TAS2R16: variants seen among roughly 807,000 people sequenced by gnomAD.
The protein encoded by TAS2R16 is taste receptor type 2 member 16.
Under a neutral mutation model 5.0 loss-of-function variants are expected in TAS2R16, and 5 were observed. The observed-to-expected ratio is 1.00, with a 90% CI of 0.52 to 2.11. TAS2R16 has a LOEUF of 2.11. TAS2R16 is among the 30% of genes most tolerant of loss of function. The probability of loss-of-function intolerance (pLI) is 0.01; values close to 1 mark genes in which losing one functional copy is unlikely to be tolerated. For missense variants in TAS2R16, 363 were observed against 341.3 expected (o/e 1.06, Z -0.50); for synonymous variants, 142 against 123.3 (o/e 1.15, Z -1.00).
chr7:122,994,709 T>G lies in TAS2R16; in HGVS notation c.*50A>C. 6.6e-7 allele frequency: 1 copy of G among 1,508,696 alleles called. No individual in the cohort carries two copies. The highest frequency in any genetic ancestry group is 2.3e-5 in the East Asian group (1 of 43,990). The allele number at this position is 1,508,696 out of a possible 1,614,324, so 93.5% of individuals were successfully genotyped here. A position where few individuals can be genotyped will look rare whatever the true frequency, so the allele number is the denominator to read the frequency against. The stretch of plus-strand genomic sequence containing the variant: ...CAATACTCTCTTCTGGTATTAATTA[T>G]ATCAATTGCTCGGGAGTCTTTTATC... On this transcript the variant is annotated 3_prime_UTR_variant, in exon 1 of 1. Coordinates refer to ENST00000249284, the MANE Select transcript of TAS2R16 (RefSeq NM_016945.3).
chr7:122,994,714 A>G lies in TAS2R16; in HGVS notation c.*45T>C. ...CTCTCTTCTGGTATTAATTATATCA[A>G]TTGCTCGGGAGTCTTTTATCCTGTG... On this transcript the variant is annotated 3_prime_UTR_variant, in exon 1 of 1. Transcript: ENST00000249284. The G allele has an allele frequency of 5.3e-6, 8 of 1,513,178 alleles. No individual in the cohort carries two copies. Among genetic ancestry groups the G allele is most frequent in the Admixed American group, 2.3e-5 (1 of 43,550 alleles). 93.7% of individuals were successfully genotyped at this position (1,513,178 alleles called of 1,614,324 possible). A position where few individuals can be genotyped will look rare whatever the true frequency, so the allele number is the denominator to read the frequency against.
chr7:122,995,159 T>C lies in TAS2R16; in HGVS notation c.476A>G (p.His159Arg), dbSNP rs1563287373. 6.2e-7 allele frequency: 1 copy of C among 1,613,892 alleles called. No homozygotes were observed. Among genetic ancestry groups the C allele is most frequent in the Non-Finnish European group, 8.5e-7 (1 of 1,179,888 alleles). Residue 159 changes from histidine (H) to arginine (R), a missense_variant, in exon 1 of 1, where the codon CAT (histidine) becomes CGT (arginine). Physicochemically the swap from His to Arg is conservative, Grantham distance 29. Coordinates refer to ENST00000249284, the MANE Select transcript of TAS2R16 (RefSeq NM_016945.3). ...YIQIQLLTME[H>R]LPRNSTVTDK... ...AGTTACAGTGCTGTTTCTTGGTAGA[T>C]GCTCCATGGTGAGTAACTGAATTTG...
rs574740728 is a variant in TAS2R16 at position 122,994,835 on chromosome 7, G to C, written c.800C>G (p.Ala267Gly). The change falls in exon 1 of 1, where the codon GCT (alanine) becomes GGT (glycine). Residue 267 changes from alanine to glycine, a missense_variant. By Grantham distance (60) the Ala-to-Gly change is moderately conservative (BLOSUM62 0). Coordinates refer to ENST00000249284, the MANE Select transcript of TAS2R16 (RefSeq NM_016945.3). The stretch of plus-strand genomic sequence containing the variant: ...TGAAGTGGAATGCATTAAGATGAAA[G>C]CATAGACAAAAGCTTCCCAGACCCA... The part of the protein sequence containing the change: ...WLWVWEAFVY[A>G]FILMHSTSLM... The C allele has an allele frequency of 6.2e-7, 1 of 1,612,770 alleles. No individual in the cohort carries two copies. Among genetic ancestry groups the C allele is most frequent in the Non-Finnish European group, 8.5e-7 (1 of 1,179,412 alleles).
Position 122,995,358 on chromosome 7 carries a change from A to C in TAS2R16, c.277T>G (p.Phe93Val). 1 of 1,613,680 alleles carries C rather than the reference A, an allele frequency of 6.2e-7. No homozygotes were observed. The highest frequency in any genetic ancestry group is 1.7e-4 in the Middle Eastern group (1 of 6,056). Residue 93 changes from phenylalanine to valine, a missense_variant, in exon 1 of 1, where the codon TTC becomes GTC. Physicochemically the swap from Phe to Val is conservative, Grantham distance 50 (BLOSUM62 -1). Transcript: ENST00000249284. Reference sequence around the variant, plus strand: ...ACGGTAAGCAAGCTGTTTAACCAGAATGTAAGGATATTAAAAAATTCCCAG... The same window carrying C: ...ACGGTAAGCAAGCTGTTTAACCAGACTGTAAGGATATTAAAAAATTCCCAG... The part of the protein sequence containing the change: ...ITWEFFNILT[F>V]WLNSLLTVFY...
In TAS2R16 at chr7:122,995,317, C is replaced by G. The variant is rs1825955588; in HGVS notation, c.318G>C (p.Lys106Asn). 1.2e-6 allele frequency: 2 copies of G among 1,613,584 alleles called. No individual in the cohort carries two copies. Among genetic ancestry groups the G allele is most frequent in the African/African-American group, 1.3e-5 (1 of 74,966 alleles). ...AGATGTGATGGGTGAAAGAAGAGAC[C>G]TTGATGCAGTAGAACACGGTAAGCA... ...NSLLTVFYCI[K>N]VSSFTHHIFL... Residue 106 changes from lysine to asparagine, a missense_variant, in exon 1 of 1, where the codon AAG (lysine) becomes AAC (asparagine). Lys to Asn is a moderately conservative substitution (Grantham distance 94, BLOSUM62 0). Coordinates refer to ENST00000249284, the MANE Select transcript of TAS2R16 (RefSeq NM_016945.3).
Position 122,995,403 on chromosome 7 carries a change from G to T in TAS2R16, c.232C>A (p.Leu78Ile). 6.2e-7 allele frequency: 1 copy of T among 1,613,584 alleles called. No homozygotes were observed. The highest frequency in any genetic ancestry group is 8.5e-7 in the Non-Finnish European group (1 of 1,179,806). ...FCSYFNLNYV[L>I]CNLTITWEFF... ...TCCCAGGTGATTGTTAAGTTGCAAA[G>T]TACATAATTCAAATTAAAATAGGAG... is the stretch of plus-strand genomic sequence containing the variant. The change falls in exon 1 of 1, where the codon CTT (leucine) becomes ATT (isoleucine). Residue 78 changes from leucine to isoleucine, a missense_variant. Transcript: ENST00000249284.
Position 122,995,391 on chromosome 7 carries a change from T to G in TAS2R16, c.244A>C (p.Thr82Pro). ...FNLNYVLCNL[T>P]ITWEFFNILT... is the part of the protein sequence containing the mutation. ...ATATTAAAAAATTCCCAGGTGATTG[T>G]TAAGTTGCAAAGTACATAATTCAAA... The change falls in exon 1 of 1, where the codon ACA becomes CCA. Residue 82 changes from threonine (T) to proline (P), a missense_variant. Transcript: ENST00000249284. 6.2e-7 allele frequency: 1 copy of G among 1,613,562 alleles called. No homozygotes were observed. Among genetic ancestry groups the G allele is most frequent in the Non-Finnish European group, 8.5e-7 (1 of 1,179,790 alleles).
chr7:122,994,954 C>A lies in TAS2R16; in HGVS notation c.681G>T (p.Arg227Ser). The A allele has an allele frequency of 6.2e-7, 1 of 1,613,634 alleles. No individual in the cohort carries two copies. The highest frequency in any genetic ancestry group is 1.7e-4 in the Middle Eastern group (1 of 6,052). The change falls in exon 1 of 1, where the codon AGG becomes AGT. Residue 227 changes from arginine to serine, a missense_variant. Arg to Ser is a moderately radical substitution (Grantham distance 110). Coordinates refer to ENST00000249284, the MANE Select transcript of TAS2R16 (RefSeq NM_016945.3). ...ACACAATAAATAAGACGGCAAGGGA[C>A]CTCAGGGCAGTGAAGCGCGCTTTCA... The part of the protein sequence containing the change: ...PSMKARFTAL[R>S]SLAVLFIVFT...
rs370231316 is a variant in TAS2R16, at chr7:122,994,717, G to T, written c.*42C>A. Reference sequence around the variant, plus strand: ...TCTTCTGGTATTAATTATATCAATTGCTCGGGAGTCTTTTATCCTGTGCCT... The same window carrying T: ...TCTTCTGGTATTAATTATATCAATTTCTCGGGAGTCTTTTATCCTGTGCCT... On this transcript the variant is annotated 3_prime_UTR_variant, in exon 1 of 1. Coordinates refer to ENST00000249284, the MANE Select transcript of TAS2R16 (RefSeq NM_016945.3). The T allele has an allele frequency of 1.6e-5, 24 of 1,515,574 alleles. No individual in the cohort carries two copies. In the African/African-American group the frequency reaches 3.1e-4, roughly 19 times the overall value. 93.9% of individuals were successfully genotyped at this position (1,515,574 alleles called of 1,614,324 possible).
Position 122,995,431 on chromosome 7 carries a change from A to AAAATTG in TAS2R16, c.198_203dup (p.Asn67_Phe68dup). The AAAATTG allele has an allele frequency of 5.0e-6, 8 of 1,613,730 alleles. No homozygotes were observed. The highest frequency in any genetic ancestry group is 6.8e-6 in the Non-Finnish European group (8 of 1,179,834). ...CATAATTCAAATTAAAATAGGAGCA[A>AAAATTG]AAATTGTTCAGCATTGATGCCCACT... On this transcript the variant is annotated inframe_insertion, in exon 1 of 1. Transcript: ENST00000249284.
At position 122,994,966 on chromosome 7, in the gene TAS2R16, G is replaced by C; in HGVS notation, c.669C>G (p.Phe223Leu). The change falls in exon 1 of 1, where the codon TTC becomes TTG. Residue 223 changes from phenylalanine (F) to leucine (L), a missense_variant. Phe to Leu is a conservative substitution (Grantham distance 22, BLOSUM62 0). Transcript: ENST00000249284. ...GHCNPSMKAR[F>L]TALRSLAVLF... ...AGACGGCAAGGGACCTCAGGGCAGT[G>C]AAGCGCGCTTTCATGCTTGGATTGC... The C allele has an allele frequency of 6.2e-7, 1 of 1,613,852 alleles. No homozygotes were observed. The highest frequency in any genetic ancestry group is 8.5e-7 in the Non-Finnish European group (1 of 1,179,856).
At position 122,995,253 on chromosome 7, in the gene TAS2R16, A is replaced by G; in HGVS notation, c.382T>C (p.Trp128Arg). ...ATCATCAGAGAACCCAGTAATATCC[A>G]GGGAAACAACCTCAAAATTCTCCAC... ...LRWRILRLFPWILLGSLMITC... is the reference protein window; with the variant it reads ...LRWRILRLFPRILLGSLMITC... The change falls in exon 1 of 1, where the codon TGG becomes CGG. Residue 128 changes from tryptophan (W) to arginine (R), a missense_variant. Coordinates refer to ENST00000249284, the MANE Select transcript of TAS2R16 (RefSeq NM_016945.3). The G allele has an allele frequency of 3.7e-6, 6 of 1,613,806 alleles. No homozygotes were observed. Among genetic ancestry groups the G allele is most frequent in the Non-Finnish European group, 5.1e-6 (6 of 1,179,876 alleles).
chr7:122,995,398 G>T, the TAS2R16 span: 1 of 1,613,550 alleles, frequency 6.2e-7, no homozygotes, highest in Non-Finnish European at 8.5e-7. Context: ...TTGTTAAGTT[G>T]CAAAGTACAT....
rs1481833459 is a variant in TAS2R16 at position 122,995,553 on chromosome 7, T to C, written c.82A>G (p.Ile28Val). 1 of 1,611,976 alleles carries C rather than the reference T, an allele frequency of 6.2e-7. No individual in the cohort carries two copies. Among genetic ancestry groups the C allele is most frequent in the Non-Finnish European group, 8.5e-7 (1 of 1,179,168 alleles). ...SLTIIVQSSL[I>V]VAVLGREWLQ... is the part of the protein sequence containing the mutation. ...CATTCTCTGCCCAGCACTGCAACAA[T>C]TAGGCTGCTCTGCACAATAATTGTC... Residue 28 changes from isoleucine (I) to valine (V), a missense_variant, in exon 1 of 1, where the codon ATT becomes GTT. Physicochemically the swap from Ile to Val is conservative, Grantham distance 29. Coordinates refer to ENST00000249284, the MANE Select transcript of TAS2R16 (RefSeq NM_016945.3).
Position 122,995,130 on chromosome 7 carries a change from T to G in TAS2R16, c.505A>C (p.Lys169Gln). Residue 169 changes from lysine (K) to glutamine (Q), a missense_variant, in exon 1 of 1, where the codon AAA (lysine) becomes CAA (glutamine). By Grantham distance (53) the Lys-to-Gln change is moderately conservative (BLOSUM62 1). Transcript: ENST00000249284. ...TGATACTGATGAAAATTTTCAAGTT[T>G]GTCAGTTACAGTGCTGTTTCTTGGT... ...HLPRNSTVTD[K>Q]LENFHQYQFQ... 6.2e-7 allele frequency: 1 copy of G among 1,613,898 alleles called. No homozygotes were observed. The highest frequency in any genetic ancestry group is 8.5e-7 in the Non-Finnish European group (1 of 1,179,886).
chr7:122,994,892 A>G lies in TAS2R16; in HGVS notation c.743T>C (p.Ile248Thr), dbSNP rs760959029. 15 of 1,613,572 alleles carry G rather than the reference A, an allele frequency of 9.3e-6. No individual in the cohort carries two copies. Among genetic ancestry groups the G allele is most frequent in the African/African-American group, 1.3e-5 (1 of 74,884 alleles). The change falls in exon 1 of 1, where the codon ATA becomes ACA. Residue 248 changes from isoleucine to threonine, a missense_variant. Ile to Thr is a moderately conservative substitution (Grantham distance 89). Transcript: ENST00000249284. ...ACATCTCTTATCAAATAGAGTACCTATAATGGTGATGAGTATGGTTAGAAA... is the reference window on the plus strand; with the variant it reads ...ACATCTCTTATCAAATAGAGTACCTGTAATGGTGATGAGTATGGTTAGAAA... ...SYFLTILITIIGTLFDKRCWL... is the reference protein window; with the variant it reads ...SYFLTILITITGTLFDKRCWL...
At position 122,995,239 on chromosome 7, in the gene TAS2R16, A is replaced by G. The variant is rs1825953805; in HGVS notation, c.396T>C (p.Gly132=). Residue 132 remains glycine, a synonymous_variant, in exon 1 of 1, where the codon GGT becomes GGC. Coordinates refer to ENST00000249284, the MANE Select transcript of TAS2R16 (RefSeq NM_016945.3). ...TTGTTACACAAGTAATCATCAGAGA[A>G]CCCAGTAATATCCAGGGAAACAACC... ...ILRLFPWILL[G]SLMITCVTII... 1.2e-6 allele frequency: 2 copies of G among 1,613,634 alleles called. No individual in the cohort carries two copies. The highest frequency in any genetic ancestry group is 1.7e-6 in the Non-Finnish European group (2 of 1,179,868).
the TAS2R16 span, chr7:122,995,495 ATG>A: frequency 1.2e-6 from 2 of 1,613,784 alleles, no homozygotes; most frequent in South Asian, 2.2e-5. Context: ...GATGAGAATC[ATG>A]TCCACAGGCA....
In TAS2R16 at chr7:122,995,493, T is replaced by A; in HGVS notation, c.142A>T (p.Ile48Phe). Residue 48 changes from isoleucine (I) to phenylalanine (F), a missense_variant, in exon 1 of 1, where the codon ATT (isoleucine) becomes TTT (phenylalanine). Ile to Phe is a conservative substitution (Grantham distance 21, BLOSUM62 0). Coordinates refer to ENST00000249284, the MANE Select transcript of TAS2R16 (RefSeq NM_016945.3). ...CGAGAGATGCCCAGGCTGATGAGAATCATGTCCACAGGCATCAGCCTTCTG... is the reference window on the plus strand; with the variant it reads ...CGAGAGATGCCCAGGCTGATGAGAAACATGTCCACAGGCATCAGCCTTCTG... ...QVRRLMPVDM[I>F]LISLGISRFC... The A allele has an allele frequency of 6.2e-7, 1 of 1,613,746 alleles. No homozygotes were observed. Among genetic ancestry groups the A allele is most frequent in the South Asian group, 1.1e-5 (1 of 91,062 alleles).
Sources: allele counts gnomAD v4.1 joint callset, GRCh38; gene constraint gnomAD v4.1.1; transcripts MANE v1.5; gene names NCBI Gene and HGNC (gene_info 2026-07-23, HGNC 2026-07-21).